CAMTA1: variants seen among roughly 807,000 people sequenced by gnomAD.
The protein encoded by CAMTA1 is calmodulin-binding transcription activator 1.
In CAMTA1, 27 loss-of-function variants were observed where a neutral mutation model predicts 170.9. The ratio of observed to expected loss-of-function variants is 0.16; its 90% CI spans 0.12 to 0.22. The LOEUF is 0.22. CAMTA1 is among the 10% of genes least tolerant of loss of function. The pLI, the probability that CAMTA1 is intolerant of heterozygous loss-of-function variation, is 1.00. For synonymous variants in CAMTA1, 833 were observed against 891.5 expected (o/e 0.93, Z 1.17); for missense variants, 1,619 against 2,217.2 (o/e 0.73, Z 5.42).
chr1:7,079,471 G>A (rs1035943108), intron 3 of CAMTA1, among the ~76,000 whole-genome samples: 2 of 134,102 alleles, frequency 1.5e-5, no homozygotes, highest in African/African-American at 6.4e-5. Context: ...TAGTGATAAA[G>A]ATTTTTTTTT....
intron 6 of CAMTA1, among the ~76,000 whole-genome samples, chr1:7,500,275 C>CGTGTGTATGTATATGGGTGTGTGT: frequency 7.8e-6 from 1 of 128,648 alleles, no homozygotes; most frequent in South Asian, 2.6e-4. Flanking sequence ...GCCTGGTGTG[C>CGTGTGTATGTATATGGGTGTGTGT]GTGCATATGT....
chr1:7,233,325 G>T (rs563952826), intron 4 of CAMTA1, among the ~76,000 whole-genome samples: 1 of 152,302 alleles, frequency 6.6e-6, no homozygotes, highest in Admixed American at 6.5e-5. Context: ...TGAGCCAGGC[G>T]CTGGGTGGCA....
At chr1:7,691,742 G>A (rs991051293) in intron 11 of CAMTA1, among the ~76,000 whole-genome samples, 4 of 152,190 alleles carry the variant, frequency 2.6e-5, no homozygotes, top group Admixed American at 1.3e-4. Flanking sequence ...AAATAGACAA[G>A]AGAGCGAGAG....
intron 3 of CAMTA1, among the ~76,000 whole-genome samples, chr1:6,897,973 T>G (rs2149182609): frequency 6.6e-6 from 1 of 152,326 alleles, no homozygotes; most frequent in South Asian, 2.1e-4. Context: ...AGTCCATAAC[T>G]TTTTCTCTTC....
intron 4 of CAMTA1, among the ~76,000 whole-genome samples, chr1:7,160,458 C>T (rs568805547): frequency 6.6e-6 from 1 of 152,120 alleles, no homozygotes; most frequent in African/African-American, 2.4e-5. Context: ...ATTGATTGGA[C>T]ACTCTGAGCC....
At chr1:7,308,109 A>C (rs1160098958) in intron 5 of CAMTA1, among the ~76,000 whole-genome samples, 1 of 151,282 alleles carries the variant, frequency 6.6e-6, no homozygotes, top group Non-Finnish European at 1.5e-5. Flanking sequence ...GTTTTCAAAG[A>C]TTGGTTTATT....
chr1:7,147,437 AAAC>A (rs1646271231), intron 4 of CAMTA1, among the ~76,000 whole-genome samples: 1 of 151,508 alleles, frequency 6.6e-6, no homozygotes, highest in African/African-American at 2.4e-5. Flanking sequence ...AAAAAAAAAA[AAAC>A]ACCCCAAATA....
At chr1:7,760,297 A>G (rs561288299) in intron 22 of CAMTA1, among the ~76,000 whole-genome samples, 37 of 152,252 alleles carry the variant, frequency 2.4e-4, no homozygotes, top group Non-Finnish European at 4.0e-4. Context: ...TTCTGAGAAC[A>G]GCCCCGGGTC....
rs1183201872 is a variant in CAMTA1 at position 7,248,896 on chromosome 1, G to T, written c.303-595G>T. Among the ~76,000 whole-genome samples the T allele has an allele frequency of 6.6e-6, 1 of 152,134 alleles. No individual in the cohort carries two copies. The highest frequency in any genetic ancestry group is 1.9e-4 in the East Asian group (1 of 5,196). On this transcript the variant is annotated intron_variant, in intron 4 of 22. Coordinates refer to ENST00000303635, the MANE Select transcript of CAMTA1 (RefSeq NM_015215.4). This position sits in a 1 kb window ranked among gnomAD's most constrained non-coding sequence, Gnocchi z 4.0. ...CCCCTGACAGCTGAAGCCTAAATGG[G>T]AAAGAATCGGGTACTTAGCTTGCTT...
chr1:7,402,642 G>T (rs985558377), intron 5 of CAMTA1, among the ~76,000 whole-genome samples: 3 of 152,146 alleles, frequency 2.0e-5, no homozygotes, highest in African/African-American at 7.2e-5. Context: ...TCCTTTCTTT[G>T]TGGTTTGCAG....
chr1:7,642,970 C>T lies in CAMTA1; in HGVS notation c.664+2417C>T, dbSNP rs1445332176. On this transcript the variant is annotated intron_variant, in intron 7 of 22. Coordinates refer to ENST00000303635, the MANE Select transcript of CAMTA1 (RefSeq NM_015215.4). The surrounding 1 kb of genome is among the most constrained non-coding windows in gnomAD (Gnocchi z 6.3). ...GCTCAGCTTGGTCCTGCAGAAGCTG[C>T]CATGGCTGAGTGCACTCCAGGCCTG... 1.3e-5 allele frequency among the ~76,000 whole-genome samples: 2 copies of T among 149,928 alleles called. No homozygotes were observed. Among genetic ancestry groups the T allele is most frequent in the Non-Finnish European group, 2.9e-5 (2 of 68,026 alleles).
intron 6 of CAMTA1, among the ~76,000 whole-genome samples, chr1:7,587,505 T>C (rs2095321336): frequency 6.6e-6 from 1 of 152,152 alleles, no homozygotes; most frequent in African/African-American, 2.4e-5. Flanking sequence ...TCTTCCCTTT[T>C]TTCCCATTTT....
At chr1:7,230,290 C>T (rs1317156615) in intron 4 of CAMTA1, among the ~76,000 whole-genome samples, 1 of 152,018 alleles carries the variant, frequency 6.6e-6, no homozygotes, top group African/African-American at 2.4e-5. Flanking sequence ...AGGAATGAGG[C>T]CGGGGTCTGG....
At chr1:7,118,013 C>A (rs1304711066) in intron 4 of CAMTA1, among the ~76,000 whole-genome samples, 1 of 152,152 alleles carries the variant, frequency 6.6e-6, no homozygotes, top group Non-Finnish European at 1.5e-5. Context: ...GCATTTTCAG[C>A]CGAGGTGTTG....
intron 5 of CAMTA1, among the ~76,000 whole-genome samples, chr1:7,269,970 A>G (rs1396327005): frequency 6.6e-6 from 1 of 152,182 alleles, no homozygotes; most frequent in Admixed American, 6.5e-5. Context: ...AAAACACATT[A>G]CAAAGATAAG....
At chr1:7,079,261 G>A (rs1639701597) in intron 3 of CAMTA1, among the ~76,000 whole-genome samples, 1 of 152,218 alleles carries the variant, frequency 6.6e-6, no homozygotes, top group Non-Finnish European at 1.5e-5. Context: ...GGGTCAGGCT[G>A]ATCCACAAGT....
At chr1:7,008,943 C>G (rs997346397) in intron 3 of CAMTA1, among the ~76,000 whole-genome samples, 1 of 152,218 alleles carries the variant, frequency 6.6e-6, no homozygotes, top group Non-Finnish European at 1.5e-5. Flanking sequence ...AAACAGACTT[C>G]GAGGCCTCCT....
At chr1:7,062,865 T>C (rs1391659111) in intron 3 of CAMTA1, among the ~76,000 whole-genome samples, 1 of 152,202 alleles carries the variant, frequency 6.6e-6, no homozygotes, top group African/African-American at 2.4e-5. Flanking sequence ...CCGTCCCTGC[T>C]CCATCTTCAC....
intron 8 of CAMTA1, 46 bp downstream of exon 8, chr1:7,661,912 G>A: frequency 1.0e-5 from 16 of 1,553,898 alleles, no homozygotes; most frequent in Non-Finnish European, 1.3e-5. Context: ...GGGACAGAGG[G>A]GCCCTACCAG....
Sources: gnomAD v4.1 joint callset for allele counts (sites outside exome capture counted in the v4.1 genomes callset) on GRCh38, gnomAD v4.1.1 for gene constraint, Gnocchi (gnomAD v3.1) non-coding constraint, MANE v1.5 for transcripts, NCBI Gene and HGNC (gene_info 2026-07-23, HGNC 2026-07-21) for gene names.